MCC: variants seen among roughly 807,000 people sequenced by gnomAD.
MCC encodes colorectal mutant cancer protein.
In MCC, 90 loss-of-function variants were observed where a neutral mutation model predicts 116.2. That is an observed-to-expected ratio of 0.77 (90% CI 0.65 to 0.92). The LOEUF (loss-of-function observed/expected upper bound fraction) is 0.92. Ranked by LOEUF, MCC falls within the 40% of genes least tolerant of loss-of-function variation. The pLI is 0.00. For missense variants in MCC, 1,516 were observed against 1,312.2 expected, an observed-to-expected ratio of 1.16 and a Z score of -2.40; for synonymous variants, 578 against 510.5, an observed-to-expected ratio of 1.13 and a Z score of -1.78.
chr5:113,354,105 C>T (rs973773721), intron 2 of MCC, among the ~76,000 whole-genome samples: 1 of 152,184 alleles, frequency 6.6e-6, no homozygotes, highest in East Asian at 1.9e-4. Context: ...TTTCTCTGCA[C>T]ACTGCCATCC....
At chr5:113,373,771 G>A (rs1201539936) in intron 2 of MCC, among the ~76,000 whole-genome samples, 1 of 152,144 alleles carries the variant, frequency 6.6e-6, no homozygotes. Flanking sequence ...CCTTAATTAT[G>A]TTCATAATTT....
At chr5:113,432,170 T>C (rs922617824) in intron 1 of MCC, among the ~76,000 whole-genome samples, 4 of 146,686 alleles carry the variant, frequency 2.7e-5, no homozygotes, top group African/African-American at 1.0e-4. Context: ...AAACAAAAAT[T>C]AGTTGGGCAT....
intron 1 of MCC, among the ~76,000 whole-genome samples, chr5:113,486,004 G>A (rs909816663): frequency 6.6e-6 from 1 of 152,196 alleles, no homozygotes; most frequent in Non-Finnish European, 1.5e-5. Flanking sequence ...ACAGAAAAGT[G>A]GCTTCAGAGA....
chr5:113,035,942 A>G (rs940176231), intron 17 of MCC, among the ~76,000 whole-genome samples: 4 of 151,782 alleles, frequency 2.6e-5, no homozygotes, highest in Non-Finnish European at 4.4e-5. Context: ...TTATAAGGAT[A>G]ACATCATTTC....
Position 113,085,173 on chromosome 5 carries a change from G to A in MCC, c.1536C>T (p.Pro512=). 1 of 1,614,190 alleles carries A rather than the reference G, an allele frequency of 6.2e-7. No homozygotes were observed. The change falls in exon 9 of 19, where the codon CCC becomes CCT. Residue 512 remains proline (P), a synonymous_variant. Coordinates refer to ENST00000408903, the MANE Select transcript of MCC (RefSeq NM_001085377.2). ...ATCCCCAGGAACTCACCTTGGCGATGGGAATGTCATTGCTGCTGCTGCTTG... is the reference window on the plus strand; with the variant it reads ...ATCCCCAGGAACTCACCTTGGCGATAGGAATGTCATTGCTGCTGCTGCTTG... The part of the protein sequence containing the change: ...LSTSSSSNDI[P]IAKIAERVKL...
At chr5:113,211,251 T>C (rs548040022) in intron 3 of MCC, among the ~76,000 whole-genome samples, 1 of 152,308 alleles carries the variant, frequency 6.6e-6, no homozygotes, top group South Asian at 2.1e-4. Flanking sequence ...GGTGGCTGTC[T>C]ATAAACCAGG....
At chr5:113,079,004 G>A (rs540588634) in intron 11 of MCC, among the ~76,000 whole-genome samples, 255 of 152,172 alleles carry the variant, frequency 1.7e-3, no homozygotes, top group Middle Eastern at 3.4e-3. Context: ...AAGCATTCCT[G>A]TACACCAATA....
At chr5:113,360,497 G>A (rs530762185) in intron 2 of MCC, among the ~76,000 whole-genome samples, 2 of 152,206 alleles carry the variant, frequency 1.3e-5, no homozygotes, top group African/African-American at 2.4e-5. Flanking sequence ...CTTAGGTTAT[G>A]TGTGAGTCTG....
At chr5:113,036,004 A>C in intron 17 of MCC, among the ~76,000 whole-genome samples, 1 of 136,698 alleles carries the variant, frequency 7.3e-6, no homozygotes, top group African/African-American at 2.7e-5. Context: ...ATTTTTAAGG[A>C]TGAGGAACTT....
intron 2 of MCC, among the ~76,000 whole-genome samples, chr5:113,374,592 T>C (rs1035717172): frequency 2.0e-5 from 3 of 152,148 alleles, no homozygotes; most frequent in Non-Finnish European, 4.4e-5. Flanking sequence ...AAAATTCATT[T>C]GAATGGTTAA....
Position 113,027,469 on chromosome 5 carries a change from C to T in MCC, c.2893G>A (p.Ala965Thr). The part of the protein sequence containing the change: ...LKRANSNLVA[A>T]YEKAKKKHQN... Reference sequence around the variant, plus strand: ...TGCTTTTTCTTTGCTTTCTCATAGGCAGCCACCAGGTTGCTAGGTGGGAAT... The same window carrying T: ...TGCTTTTTCTTTGCTTTCTCATAGGTAGCCACCAGGTTGCTAGGTGGGAAT... Residue 965 changes from alanine to threonine, a missense_variant, in exon 19 of 19, where the codon GCC (alanine) becomes ACC (threonine). Transcript: ENST00000408903. 1 of 1,614,154 alleles carries T rather than the reference C, an allele frequency of 6.2e-7. No homozygotes were observed. The highest frequency in any genetic ancestry group is 1.1e-5 in the South Asian group (1 of 91,084).
intron 3 of MCC, among the ~76,000 whole-genome samples, chr5:113,210,718 T>C (rs1376080057): frequency 6.6e-6 from 1 of 152,156 alleles, no homozygotes; most frequent in Non-Finnish European, 1.5e-5. Context: ...AAAGTTAATA[T>C]CTAGTAAAGA....
intron 2 of MCC, among the ~76,000 whole-genome samples, chr5:113,374,172 G>A (rs1041071372): frequency 2.0e-5 from 3 of 151,066 alleles, no homozygotes; most frequent in Admixed American, 6.6e-5. Context: ...GGTTACAGGC[G>A]TGAGCCACGG....
chr5:113,470,549 C>A (rs1192263275), intron 1 of MCC, among the ~76,000 whole-genome samples: 3 of 152,294 alleles, frequency 2.0e-5, no homozygotes, highest in Middle Eastern at 3.4e-3. Flanking sequence ...GCCGAGAGAT[C>A]AGCTGTTAGT....
intron 3 of MCC, among the ~76,000 whole-genome samples, chr5:113,207,052 G>A (rs1463171942): frequency 1.3e-5 from 2 of 152,188 alleles, no homozygotes; most frequent in Non-Finnish European, 2.9e-5. Flanking sequence ...GGGCACTGTA[G>A]TTGGAACCAA....
intron 3 of MCC, among the ~76,000 whole-genome samples, chr5:113,247,456 G>A (rs948089118): frequency 6.6e-6 from 1 of 152,178 alleles, no homozygotes. Context: ...GCTTTCAATG[G>A]CAAGCTAAGG....
Position 113,418,606 on chromosome 5 carries a change from A to G in MCC, c.171-33394T>C, listed in dbSNP as rs1770222783. Among the ~76,000 whole-genome samples the G allele has an allele frequency of 2.0e-5, 3 of 152,164 alleles. No homozygotes were observed. The South Asian group carries it at 6.2e-4, about 32-fold the overall frequency. ...ACCTCAGAAGTGTATTGTGAAGATTAAAGAAATACTGTATGTAAAGCTTTT... is the reference window on the plus strand; with the variant it reads ...ACCTCAGAAGTGTATTGTGAAGATTGAAGAAATACTGTATGTAAAGCTTTT... On this transcript the variant is annotated intron_variant, in intron 1 of 18. Transcript: ENST00000408903.
chr5:113,275,342 A>T (rs1765782306), intron 3 of MCC, among the ~76,000 whole-genome samples: 1 of 152,242 alleles, frequency 6.6e-6, no homozygotes, highest in Non-Finnish European at 1.5e-5. Flanking sequence ...TTTTAACAGT[A>T]CACTTGTAGT....
intron 1 of MCC, among the ~76,000 whole-genome samples, chr5:113,485,121 C>T (rs914685724): frequency 2.2e-4 from 34 of 152,196 alleles, no homozygotes; most frequent in Middle Eastern, 3.4e-3. Flanking sequence ...TTTTGTCAGC[C>T]TGATAGGAAG....
Sources: allele counts gnomAD v4.1 joint callset (sites outside exome capture counted in the v4.1 genomes callset), GRCh38; gene constraint gnomAD v4.1.1; transcripts MANE v1.5; gene names NCBI Gene and HGNC (gene_info 2026-07-23, HGNC 2026-07-21).